Variants in DLG2 observed in about 807,000 individuals in gnomAD.
DLG2 encodes the protein disks large homolog 2.
A neutral mutation model predicts 132.5 loss-of-function variants in DLG2; 45 were observed. That is an observed-to-expected ratio of 0.34 (90% CI 0.27 to 0.44). DLG2 has a LOEUF of 0.44. Among genes scored for constraint, DLG2 ranks in the 20% least tolerant of loss-of-function variants. DLG2 has a pLI of 1.00. For missense variants in DLG2, 1,045 were observed against 1,196.9 expected (o/e 0.87, Z 1.87); for synonymous variants, 424 against 419.6 (o/e 1.01, Z -0.13).
At chr11:84,213,216 C>A (rs966697758) in intron 8 of DLG2, among the ~76,000 whole-genome samples, 1 of 152,166 alleles carries the variant, frequency 6.6e-6, no homozygotes, top group African/African-American at 2.4e-5. Flanking sequence ...GGATTAATCA[C>A]CCCCATCTAA....
intron 10 of DLG2, among the ~76,000 whole-genome samples, chr11:84,088,682 A>G (rs1594972852): frequency 6.6e-6 from 1 of 152,170 alleles, no homozygotes; most frequent in East Asian, 1.9e-4. Flanking sequence ...TATAAATACA[A>G]TTAGGGCTGA....
intron 3 of DLG2, among the ~76,000 whole-genome samples, chr11:85,298,375 G>A (rs1379611114): frequency 6.6e-6 from 1 of 152,044 alleles, no homozygotes; most frequent in Non-Finnish European, 1.5e-5. Flanking sequence ...GGGGAAGCCT[G>A]GAAAACACAA....
intron 7 of DLG2, among the ~76,000 whole-genome samples, chr11:84,458,135 T>C (rs1010768731): frequency 2.9e-4 from 44 of 150,796 alleles, no homozygotes; most frequent in Non-Finnish European, 6.3e-4. Context: ...GTGTAAGAAA[T>C]TGTACACCAT....
intron 6 of DLG2, among the ~76,000 whole-genome samples, chr11:84,991,591 G>C (rs893946881): frequency 2.6e-5 from 4 of 151,616 alleles, no homozygotes; most frequent in African/African-American, 9.7e-5. Context: ...AACAAGAAGA[G>C]GGAACAGAGG....
At chr11:83,928,836 G>A (rs1373920289) in intron 15 of DLG2, among the ~76,000 whole-genome samples, 2 of 152,118 alleles carry the variant, frequency 1.3e-5, no homozygotes, top group Non-Finnish European at 1.5e-5. Context: ...GCACAGAAGA[G>A]CTCAATAAAT....
chr11:84,570,522 C>T (rs1339519717), intron 6 of DLG2, among the ~76,000 whole-genome samples: 1 of 152,142 alleles, frequency 6.6e-6, no homozygotes, highest in Non-Finnish European at 1.5e-5. Flanking sequence ...ATGCCTGGCA[C>T]ATAGTAGGTG....
chr11:84,003,397 T>C (rs775353793), intron 11 of DLG2, among the ~76,000 whole-genome samples: 1 of 152,188 alleles, frequency 6.6e-6, no homozygotes, highest in Non-Finnish European at 1.5e-5. Flanking sequence ...TTTTCCTGTA[T>C]TAGTCCATTT....
intron 6 of DLG2, among the ~76,000 whole-genome samples, chr11:85,087,918 A>T (rs79474857): frequency 4.6e-5 from 7 of 151,600 alleles, no homozygotes; most frequent in African/African-American, 1.5e-4. Flanking sequence ...TTTAAAATGC[A>T]TTCTTAGTAC....
chr11:84,218,218 A>G (rs959280804), intron 8 of DLG2, among the ~76,000 whole-genome samples: 1 of 148,516 alleles, frequency 6.7e-6, no homozygotes, highest in African/African-American at 2.5e-5. Context: ...AAGGAAGGAA[A>G]GAAAGGAAGG....
intron 16 of DLG2, among the ~76,000 whole-genome samples, chr11:83,857,770 C>A (rs2060778246): frequency 6.6e-6 from 1 of 150,748 alleles, no homozygotes; most frequent in South Asian, 2.1e-4. Flanking sequence ...TGAGGCTATG[C>A]ATGTGTTGGG....
chr11:83,977,335 C>A (rs756306517), intron 12 of DLG2, among the ~76,000 whole-genome samples: 1 of 151,920 alleles, frequency 6.6e-6, no homozygotes, highest in Non-Finnish European at 1.5e-5. Context: ...CTGCTTTTGG[C>A]ATCAAGAGTA....
chr11:84,252,672 A>G lies in DLG2; in HGVS notation c.520-1381T>C, dbSNP rs145597357. Among the ~76,000 whole-genome samples the G allele has an allele frequency of 1.3e-3, 196 of 152,306 alleles. 2 individuals carry two copies. The highest frequency in any genetic ancestry group is 4.5e-3 in the African/African-American group (187 of 41,564). ...AGAGATTGCAATCTCTATTTGCATC[A>G]CCAGTCTAACTTCATGAATATTGAG... On this transcript the variant is annotated intron_variant, in intron 7 of 27. Transcript: ENST00000376104.
intron 4 of DLG2, among the ~76,000 whole-genome samples, chr11:85,275,657 T>C (rs1457230523): frequency 6.6e-6 from 1 of 151,830 alleles, no homozygotes; most frequent in Non-Finnish European, 1.5e-5. Context: ...CTGCCCTGTA[T>C]AGAAAAAAAA....
chr11:84,970,808 A>C (rs990632698), intron 6 of DLG2, among the ~76,000 whole-genome samples: 1 of 152,340 alleles, frequency 6.6e-6, no homozygotes, highest in East Asian at 1.9e-4. Context: ...TAAGAAAAAT[A>C]TCCTATTTAG....
At chr11:85,485,535 C>G (rs1020629869) in intron 3 of DLG2, among the ~76,000 whole-genome samples, 6 of 151,964 alleles carry the variant, frequency 3.9e-5, no homozygotes, top group Non-Finnish European at 7.4e-5. Flanking sequence ...GACTTAGATT[C>G]AACAAAGAAG....
chr11:83,545,521 C>T (rs74446366), intron 19 of DLG2, among the ~76,000 whole-genome samples: 2,503 of 152,040 alleles, frequency 0.016, 73 homozygotes, highest in African/African-American at 0.057. Context: ...CAAAGTAGAC[C>T]CTCAATACAG....
intron 3 of DLG2, among the ~76,000 whole-genome samples, chr11:85,464,376 G>A (rs2092714286): frequency 6.6e-6 from 1 of 152,058 alleles, no homozygotes; most frequent in Admixed American, 6.5e-5. Flanking sequence ...TGGAGGTTAT[G>A]GTTTTTACGG....
chr11:85,160,702 T>C (rs1382634291), intron 4 of DLG2, among the ~76,000 whole-genome samples: 1 of 152,124 alleles, frequency 6.6e-6, no homozygotes, highest in Non-Finnish European at 1.5e-5. Flanking sequence ...CAAATGCCCA[T>C]GGTGTCCACT....
intron 6 of DLG2, among the ~76,000 whole-genome samples, chr11:85,078,817 C>A (rs1473644856): frequency 6.6e-6 from 1 of 152,008 alleles, no homozygotes; most frequent in Non-Finnish European, 1.5e-5. Flanking sequence ...GTTAACCTAG[C>A]CAAGAGTGAT....
Sources: gnomAD v4.1 joint callset for allele counts (sites outside exome capture counted in the v4.1 genomes callset) on GRCh38, gnomAD v4.1.1 for gene constraint, MANE v1.5 for transcripts, NCBI Gene and HGNC (gene_info 2026-07-23, HGNC 2026-07-21) for gene names.